Variants in DCAF6 observed in about 807,000 individuals in gnomAD.
DCAF6 encodes DDB1- and CUL4-associated factor 6.
A neutral mutation model predicts 125.1 loss-of-function variants in DCAF6; 54 were observed. The observed-to-expected ratio is 0.43, with a 90% CI of 0.35 to 0.54. The LOEUF is 0.54. Among genes scored for constraint, DCAF6 ranks in the 20% least tolerant of loss-of-function variants. The pLI, the probability that DCAF6 is intolerant of heterozygous loss-of-function variation, is 0.01. For missense variants in DCAF6, 934 were observed against 1,161.7 expected (o/e 0.80, Z 2.85); for synonymous variants, 371 against 390.4 (o/e 0.95, Z 0.58).
In DCAF6 at chr1:167,961,305, C is replaced by T. The variant is rs777429828; in HGVS notation, c.160-5324C>T. Among the ~76,000 whole-genome samples, 80 of 152,222 alleles carry T rather than the reference C, an allele frequency of 5.3e-4. 1 individual carries two copies. The highest frequency in any genetic ancestry group is 7.1e-4 in the Non-Finnish European group (48 of 68,016). ...TCGCCCAGGCTGGAGTGCAGTGGCG[C>T]GATCTCGGCTCAATGCAAGCTCCGC... On this transcript the variant is annotated intron_variant, in intron 2 of 21. Coordinates refer to ENST00000367840, the MANE Select transcript of DCAF6 (RefSeq NM_001198956.2).
intron 21 of DCAF6, among the ~76,000 whole-genome samples, chr1:168,072,299 A>T (rs947863171): frequency 1.0e-4 from 13 of 129,630 alleles, no homozygotes; most frequent in African/African-American, 4.7e-4. Context: ...CAGTCTAAAA[A>T]AAAAAAAAAA....
chr1:167,976,447 G>A (rs180800159), intron 4 of DCAF6, among the ~76,000 whole-genome samples: 28 of 152,232 alleles, frequency 1.8e-4, no homozygotes, highest in Non-Finnish European at 3.4e-4. Flanking sequence ...ACTCCAACCT[G>A]GGCGACAGAG....
At chr1:168,060,058 C>T (rs1691391842) in intron 17 of DCAF6, among the ~76,000 whole-genome samples, 1 of 152,072 alleles carries the variant, frequency 6.6e-6, no homozygotes, top group African/African-American at 2.4e-5. Flanking sequence ...AAATGCATTC[C>T]TTTTAAAATT....
intron 17 of DCAF6, among the ~76,000 whole-genome samples, chr1:168,054,052 A>G (rs381095): frequency 8.2e-4 from 125 of 152,254 alleles, no homozygotes; most frequent in African/African-American, 2.8e-3. Flanking sequence ...CATCTCCCTC[A>G]CTTATTTCAG....
intron 4 of DCAF6, among the ~76,000 whole-genome samples, chr1:167,978,026 CT>C (rs1442863413): frequency 6.6e-6 from 1 of 151,950 alleles, no homozygotes; most frequent in East Asian, 1.9e-4. Flanking sequence ...TTGTATCTGG[CT>C]TTTTTTGCTG....
the DCAF6 span, chr1:167,924,549 A>T: frequency 6.6e-7 from 1 of 1,514,800 alleles, no homozygotes; most frequent in African/African-American, 1.4e-5. Flanking sequence ...TGAAAAAAAA[A>T]AGAAAAGAAA....
the DCAF6 span, chr1:167,918,208 C>A: frequency 1.4e-6 from 1 of 728,778 alleles, no homozygotes; most frequent in South Asian, 2.2e-5. Context: ...AACTAGCTAC[C>A]AGTTACAGTG....
chr1:167,958,270 T>C (rs2102766082), intron 2 of DCAF6, among the ~76,000 whole-genome samples: 1 of 152,252 alleles, frequency 6.6e-6, no homozygotes, highest in African/African-American at 2.4e-5. Context: ...GTTTTAGCTC[T>C]TCTGTTTAGA....
the DCAF6 span, chr1:167,918,438 T>G: frequency 1.1e-6 from 1 of 895,320 alleles, no homozygotes; most frequent in Admixed American, 2.5e-5. Context: ...GGAAGCATAC[T>G]CCATTTCTTC....
chr1:167,875,437 G>A, the DCAF6 span, among the ~76,000 whole-genome samples: 1 of 152,148 alleles, frequency 6.6e-6, no homozygotes, highest in Non-Finnish European at 1.5e-5. Flanking sequence ...ATGCTGTTGA[G>A]TCTGCACTGG....
Position 168,044,088 on chromosome 1 carries a change from C to T in DCAF6, c.1844-497C>T, listed in dbSNP as rs78539716. 7.2e-3 allele frequency among the ~76,000 whole-genome samples: 1,098 copies of T among 152,158 alleles called. 10 individuals carry two copies. The highest frequency in any genetic ancestry group is 0.024 in the African/African-American group (1,014 of 41,522). On this transcript the variant is annotated intron_variant, in intron 14 of 21. Coordinates refer to ENST00000367840, the MANE Select transcript of DCAF6 (RefSeq NM_001198956.2). ...TTCAGGAAGAAGCAGTGGGCCCATC[C>T]GTCCATGATAGTGTTTGTACAATTT...
intron 10 of DCAF6, among the ~76,000 whole-genome samples, chr1:168,008,966 T>C (rs1200665103): frequency 6.8e-6 from 1 of 147,562 alleles, no homozygotes; most frequent in East Asian, 2.0e-4. Context: ...TTCTTTCTTT[T>C]CTTCCTTCTT....
chr1:167,985,876 T>A (rs1030655370), intron 4 of DCAF6, among the ~76,000 whole-genome samples: 3 of 152,160 alleles, frequency 2.0e-5, no homozygotes, highest in Non-Finnish European at 4.4e-5. Context: ...CATAAGTCCT[T>A]TGTACCCCCT....
chr1:168,027,345 T>A (rs1686471787), intron 12 of DCAF6, among the ~76,000 whole-genome samples: 1 of 152,122 alleles, frequency 6.6e-6, no homozygotes, highest in Non-Finnish European at 1.5e-5. Flanking sequence ...GTGTTCAAGA[T>A]GTAAGGGATA....
At chr1:168,028,160 C>G (rs3767469) in intron 12 of DCAF6, among the ~76,000 whole-genome samples, 1 of 152,002 alleles carries the variant, frequency 6.6e-6, no homozygotes, top group African/African-American at 2.4e-5. Context: ...TCCTTTTTAT[C>G]TCTCTACTAT....
chr1:167,878,731 T>G, the DCAF6 span: 2 of 1,251,290 alleles, frequency 1.6e-6, no homozygotes, highest in Non-Finnish European at 2.3e-6. Context: ...TTTTTACCCT[T>G]TACTCCCTTT....
intron 3 of DCAF6, among the ~76,000 whole-genome samples, chr1:167,970,310 T>G (rs529244673): frequency 6.6e-6 from 1 of 152,358 alleles, no homozygotes; most frequent in South Asian, 2.1e-4. Flanking sequence ...ATGATACTCT[T>G]TCTCATTTCC....
At chr1:167,942,382 A>G (rs961261875) in intron 1 of DCAF6, among the ~76,000 whole-genome samples, 3 of 151,770 alleles carry the variant, frequency 2.0e-5, no homozygotes, top group African/African-American at 7.3e-5. Context: ...GCATTTCTCT[A>G]GTGGTTAATG....
chr1:168,058,631 C>T (rs1468912585), intron 17 of DCAF6, among the ~76,000 whole-genome samples: 2 of 152,064 alleles, frequency 1.3e-5, no homozygotes, highest in East Asian at 1.9e-4. Context: ...TGCAGTGGCA[C>T]GATCTCAGTT....
Sources: allele counts gnomAD v4.1 joint callset (sites outside exome capture counted in the v4.1 genomes callset), GRCh38; gene constraint gnomAD v4.1.1; transcripts MANE v1.5; gene names NCBI Gene and HGNC (gene_info 2026-07-23, HGNC 2026-07-21).